RPS6KC1: variants seen among roughly 807,000 people sequenced by gnomAD.
RPS6KC1 encodes ribosomal protein S6 kinase C1.
In RPS6KC1, 54 loss-of-function variants were observed where a neutral mutation model predicts 103.8. The observed-to-expected ratio is 0.52, with a 90% confidence interval of 0.42 to 0.65. The LOEUF is 0.65. RPS6KC1 is among the 30% of genes least tolerant of loss of function. The pLI is 0.00. For missense variants in RPS6KC1, 1,151 were observed against 1,253.8 expected (o/e 0.92, Z 1.24); for synonymous variants, 439 against 438.7 (o/e 1.00, Z -0.01).
At chr1:213,097,003 C>T (rs2081519865) in intron 3 of RPS6KC1, among the ~76,000 whole-genome samples, 1 of 152,150 alleles carries the variant, frequency 6.6e-6, no homozygotes, top group Non-Finnish European at 1.5e-5. Context: ...CATAATTAAT[C>T]TCCTTGTACA....
At chr1:213,199,875 T>A (rs760066700) in intron 8 of RPS6KC1, among the ~76,000 whole-genome samples, 16 of 152,074 alleles carry the variant, frequency 1.1e-4, no homozygotes, top group Non-Finnish European at 1.9e-4. Flanking sequence ...CAGAATGTAA[T>A]CCCATTCATA....
the RPS6KC1 span, among the ~76,000 whole-genome samples, chr1:213,381,085 C>G: frequency 6.6e-6 from 1 of 152,188 alleles, no homozygotes; most frequent in Admixed American, 6.5e-5. Flanking sequence ...GGAACAGTCA[C>G]AACTGGGCAG....
intron 3 of RPS6KC1, among the ~76,000 whole-genome samples, chr1:213,095,289 T>A (rs1263524766): frequency 6.6e-6 from 1 of 152,200 alleles, no homozygotes; most frequent in Admixed American, 6.5e-5. Context: ...GAACTTTTGA[T>A]ATAGTTAAGA....
At chr1:213,077,654 C>G (rs1209724605) in intron 2 of RPS6KC1, 42 bp from the exon 3 acceptor site, 1 of 1,257,130 alleles carries the variant, frequency 8.0e-7, no homozygotes, top group East Asian at 2.6e-5. Context: ...ATATCTGAAC[C>G]TAAATGGTTA....
chr1:213,507,083 T>C, the RPS6KC1 span, among the ~76,000 whole-genome samples: 1 of 152,216 alleles, frequency 6.6e-6, no homozygotes, highest in Admixed American at 6.5e-5. Flanking sequence ...AGTAAATTGA[T>C]AAATCAATGA....
At chr1:213,341,911 T>A in the RPS6KC1 span, among the ~76,000 whole-genome samples, 1 of 152,208 alleles carries the variant, frequency 6.6e-6, no homozygotes, top group Non-Finnish European at 1.5e-5. Flanking sequence ...GGCTGTGGTA[T>A]TATGTGAGAT....
chr1:213,723,316 T>C, the RPS6KC1 span, among the ~76,000 whole-genome samples: 1 of 152,224 alleles, frequency 6.6e-6, no homozygotes, highest in Admixed American at 6.5e-5. Context: ...AGGGCTGCCA[T>C]AACAAAGCAT....
chr1:213,124,840 A>C (rs1470791251), intron 5 of RPS6KC1, among the ~76,000 whole-genome samples: 2 of 152,130 alleles, frequency 1.3e-5, no homozygotes, highest in Admixed American at 6.6e-5. Flanking sequence ...TAGGCTTTTC[A>C]GGCATGGTAA....
the RPS6KC1 span, among the ~76,000 whole-genome samples, chr1:213,658,146 G>T: frequency 6.6e-6 from 1 of 152,228 alleles, no homozygotes; most frequent in South Asian, 2.1e-4. Flanking sequence ...TGTGTTTTGT[G>T]TAATGTTTAA....
the RPS6KC1 span, chr1:213,794,260 C>T: frequency 6.6e-6 from 1 of 152,072 alleles, no homozygotes; most frequent in Admixed American, 6.6e-5. Flanking sequence ...CATACAAAAA[C>T]AAAATATAAC....
rs977964124 is a variant in RPS6KC1, at chr1:213,102,581, A to AT, written c.263-1863dup. On this transcript the variant is annotated intron_variant, in intron 3 of 14. Coordinates refer to ENST00000366960, the MANE Select transcript of RPS6KC1 (RefSeq NM_012424.6). ...ACTGCAAAGCAAGCTGGCAATTACA[A>AT]TTTTTTTTTTCCTGGGCTGTCATGT... 1.3e-3 allele frequency among the ~76,000 whole-genome samples: 201 copies of AT among 150,930 alleles called. 1 individual carries two copies. Among genetic ancestry groups the AT allele is most frequent in the African/African-American group, 4.2e-3 (171 of 41,202 alleles).
the RPS6KC1 span, among the ~76,000 whole-genome samples, chr1:213,676,328 G>T: frequency 6.6e-6 from 1 of 152,124 alleles, no homozygotes; most frequent in Admixed American, 6.5e-5. Context: ...TCCTTTAAAG[G>T]CTCCTAGTCA....
the RPS6KC1 span, among the ~76,000 whole-genome samples, chr1:213,329,293 A>G: frequency 6.6e-6 from 1 of 152,096 alleles, no homozygotes; most frequent in Admixed American, 6.6e-5. Context: ...TCACAGATTT[A>G]TTGGGAGTGG....
intron 13 of RPS6KC1, 98 bp from the exon 14 acceptor site, chr1:213,262,623 G>T: frequency 1.2e-6 from 1 of 801,482 alleles, no homozygotes; most frequent in South Asian, 1.5e-5. Flanking sequence ...CAGTTAAAAT[G>T]GTTGTTGAGC....
chr1:213,658,680 G>T, the RPS6KC1 span, among the ~76,000 whole-genome samples: 1 of 152,174 alleles, frequency 6.6e-6, no homozygotes, highest in African/African-American at 2.4e-5. Context: ...TAAATCAAAC[G>T]TTATTCTGGA....
the RPS6KC1 span, among the ~76,000 whole-genome samples, chr1:213,577,558 C>T: frequency 1.1e-4 from 16 of 152,094 alleles, no homozygotes; most frequent in African/African-American, 2.9e-4. Flanking sequence ...AGAGACTTAT[C>T]GAAATGTTTT....
chr1:213,070,542 C>T (rs1001555577), intron 1 of RPS6KC1, among the ~76,000 whole-genome samples: 3 of 151,974 alleles, frequency 2.0e-5, no homozygotes, highest in Non-Finnish European at 4.4e-5. Flanking sequence ...GAGACTCCAG[C>T]GCAACCATGT....
the RPS6KC1 span, among the ~76,000 whole-genome samples, chr1:213,775,201 A>G: frequency 6.6e-6 from 1 of 152,222 alleles, no homozygotes; most frequent in African/African-American, 2.4e-5. Context: ...TGTAGGCATT[A>G]TTGTGTATAC....
At chr1:213,466,799 T>A in the RPS6KC1 span, among the ~76,000 whole-genome samples, 1 of 152,154 alleles carries the variant, frequency 6.6e-6, no homozygotes, top group African/African-American at 2.4e-5. Context: ...TGCAAGCCCA[T>A]AAGAATGTAT....
Sources: gnomAD v4.1 joint callset for allele counts (sites outside exome capture counted in the v4.1 genomes callset) on GRCh38, gnomAD v4.1.1 for gene constraint, MANE v1.5 for transcripts, NCBI Gene and HGNC (gene_info 2026-07-23, HGNC 2026-07-21) for gene names.